Variants in ZMYM6 observed in about 807,000 individuals in gnomAD.
The protein encoded by ZMYM6 is zinc finger MYM-type protein 6.
Under a neutral mutation model 134.0 loss-of-function variants are expected in ZMYM6, and 90 were observed. The ratio of observed to expected loss-of-function variants is 0.67; its 90% CI spans 0.57 to 0.80. The LOEUF (loss-of-function observed/expected upper bound fraction) is 0.80. Among genes scored for constraint, ZMYM6 ranks in the 30% least tolerant of loss-of-function variants. The probability of loss-of-function intolerance (pLI) is 0.00; values close to 1 mark genes in which losing one functional copy is unlikely to be tolerated. For missense variants in ZMYM6, 1,362 were observed against 1,533.9 expected, an observed-to-expected ratio of 0.89 and a Z score of 1.87; for synonymous variants, 481 against 524.1, an observed-to-expected ratio of 0.92 and a Z score of 1.12.
At chr1:34,997,772 C>T (rs7515263) in intron 14 of ZMYM6, among the ~76,000 whole-genome samples, 32,807 of 152,056 alleles carry the variant, frequency 0.22, 8,419 homozygotes, top group African/African-American at 0.61. Flanking sequence ...ACCTCTACAC[C>T]GTTAAAATTT....
intron 14 of ZMYM6, among the ~76,000 whole-genome samples, chr1:34,995,426 A>C (rs1342613783): frequency 6.6e-6 from 1 of 151,972 alleles, no homozygotes; most frequent in East Asian, 1.9e-4. Flanking sequence ...TTTTCTATAC[A>C]TATATACCTA....
intron 2 of ZMYM6, among the ~76,000 whole-genome samples, chr1:35,026,765 G>A (rs1462957372): frequency 6.6e-6 from 1 of 152,138 alleles, no homozygotes; most frequent in East Asian, 1.9e-4. Flanking sequence ...ATTCCTTCAG[G>A]TTCAGCTTCC....
chr1:35,016,297 A>G (rs550012217), intron 4 of ZMYM6, among the ~76,000 whole-genome samples: 2 of 152,312 alleles, frequency 1.3e-5, no homozygotes, highest in South Asian at 4.1e-4. Context: ...ATTTTGAGAA[A>G]CAAATGAGCT....
intron 2 of ZMYM6, among the ~76,000 whole-genome samples, chr1:35,021,289 C>T (rs985834435): frequency 4.6e-5 from 7 of 151,204 alleles, no homozygotes; most frequent in East Asian, 4.0e-4. Flanking sequence ...TACAGGCTTG[C>T]GCTACCACAC....
chr1:35,030,427 T>C (rs1388357914), intron 2 of ZMYM6, 120 bp downstream of exon 2: 12 of 876,460 alleles, frequency 1.4e-5, no homozygotes, highest in Non-Finnish European at 1.9e-5. Context: ...AGCGAGAGCC[T>C]GTCTCAGTTT....
intron 15 of ZMYM6, chr1:34,990,073 CTCAGTG>C (rs1557555508): frequency 6.5e-6 from 1 of 153,584 alleles, no homozygotes; most frequent in African/African-American, 2.4e-5. Flanking sequence ...AATTTTGATA[CTCAGTG>C]TCAGTGAGGT....
intron 12 of ZMYM6, among the ~76,000 whole-genome samples, chr1:35,006,643 T>C (rs1433988064): frequency 6.6e-6 from 1 of 152,216 alleles, no homozygotes; most frequent in South Asian, 2.1e-4. Context: ...CTAAATAGTA[T>C]ATATCCCTAG....
Position 34,986,978 on chromosome 1 carries a change from G to T in ZMYM6, c.*126C>A. On this transcript the variant is annotated 3_prime_UTR_variant, in exon 16 of 16. Transcript: ENST00000357182. Reference sequence around the variant, plus strand: ...TAATTATTAAATTCCTCAACAAAAAGGGAAAAATTATTAAAACATTTAATC... The same window carrying T: ...TAATTATTAAATTCCTCAACAAAAATGGAAAAATTATTAAAACATTTAATC... The T allele has an allele frequency of 1.6e-6, 1 of 615,736 alleles. No individual in the cohort carries two copies. 38.1% of individuals were successfully genotyped at this position (615,736 alleles called of 1,614,324 possible). A position where few individuals can be genotyped will look rare whatever the true frequency, so the allele number is the denominator to read the frequency against.
rs1641284583 is a variant in ZMYM6 at position 35,020,422 on chromosome 1, T to G, written c.139A>C (p.Lys47Gln). Residue 47 changes from lysine (K) to glutamine (Q), a missense_variant, in exon 3 of 16, where the codon AAA (lysine) becomes CAA (glutamine). Around this residue, in one of 3 missense-constraint regions of ZMYM6, gnomAD observed 503 missense variants for 520.8 expected, o/e 0.97. Coordinates refer to ENST00000357182, the MANE Select transcript of ZMYM6 (RefSeq NM_007167.4). ...QQPKTQESKL[K>Q]IGGVSSVNER... ...TTAACTGAAGACACACCACCAATTTTCAATTTACTTTCTTGAGTTTTTGGC... is the reference window on the plus strand; with the variant it reads ...TTAACTGAAGACACACCACCAATTTGCAATTTACTTTCTTGAGTTTTTGGC... The G allele has an allele frequency of 6.2e-7, 1 of 1,612,812 alleles. No homozygotes were observed. Among genetic ancestry groups the G allele is most frequent in the Non-Finnish European group, 8.5e-7 (1 of 1,179,674 alleles).
At position 34,991,491 on chromosome 1, in the gene ZMYM6, CA is replaced by C. The variant is rs571178340; in HGVS notation, c.2146+742del. Among the ~76,000 whole-genome samples, 462 of 152,008 alleles carry C rather than the reference CA, an allele frequency of 3.0e-3. 6 individuals are homozygous for C. Among genetic ancestry groups the C allele is most frequent in the Middle Eastern group, 3.4e-3 (1 of 294 alleles). ...TTATTATTAAAAACAAAAATCAGGC[CA>C]GGGGCGGTGGCTCATGCCTGTAATC... On this transcript the variant is annotated intron_variant, in intron 15 of 15. Transcript: ENST00000357182.
intron 12 of ZMYM6, among the ~76,000 whole-genome samples, chr1:35,005,611 C>T (rs1017947782): frequency 1.4e-4 from 14 of 103,512 alleles, no homozygotes; most frequent in African/African-American, 5.2e-4. Flanking sequence ...ACCTGGGCAA[C>T]ATAGCAAAAC....
chr1:35,027,200 G>A (rs947299747), intron 2 of ZMYM6, among the ~76,000 whole-genome samples: 1 of 152,166 alleles, frequency 6.6e-6, no homozygotes, highest in Admixed American at 6.5e-5. Context: ...CAAATAGCTG[G>A]CAGCAGCATA....
intron 12 of ZMYM6, among the ~76,000 whole-genome samples, chr1:35,006,095 T>C (rs755380958): frequency 2.0e-5 from 3 of 151,890 alleles, no homozygotes; most frequent in Non-Finnish European, 2.9e-5. Flanking sequence ...GTAACCTCCA[T>C]CTCTTGGGTT....
chr1:35,019,565 T>A lies in ZMYM6; in HGVS notation c.216A>T (p.Ala72=), dbSNP rs765146633. The A allele has an allele frequency of 6.2e-7, 1 of 1,603,850 alleles. No homozygotes were observed. The highest frequency in any genetic ancestry group is 8.5e-7 in the Non-Finnish European group (1 of 1,177,590). The change falls in exon 4 of 16, where the codon GCA becomes GCT. Residue 72 remains alanine (A), a synonymous_variant. Transcript: ENST00000357182. ...GAAGCAACACACTTGGGCCAGATGATGCAAAAGAAAGCTGAAAGCCTGGGT... is the reference window on the plus strand; with the variant it reads ...GAAGCAACACACTTGGGCCAGATGAAGCAAAAGAAAGCTGAAAGCCTGGGT... The part of the protein sequence containing the change: ...QLNPGFQLSF[A]SSGPSVLLPS...
At chr1:35,001,536 T>C (rs1164440072) in intron 14 of ZMYM6, among the ~76,000 whole-genome samples, 1 of 152,060 alleles carries the variant, frequency 6.6e-6, no homozygotes, top group Non-Finnish European at 1.5e-5. Flanking sequence ...ATTCTCAGAG[T>C]ACATAAATCT....
intron 10 of ZMYM6, 112 bp downstream of exon 10, chr1:35,010,335 A>T: frequency 7.2e-7 from 1 of 1,394,642 alleles, no homozygotes; most frequent in Non-Finnish European, 9.7e-7. Context: ...AAATACTTCT[A>T]ATTACACCTT....
chr1:35,009,876 C>T (rs1001695925), intron 10 of ZMYM6, among the ~76,000 whole-genome samples: 1 of 152,020 alleles, frequency 6.6e-6, no homozygotes, highest in African/African-American at 2.4e-5. Context: ...GCAGAGACTG[C>T]AATAAGCCAA....
At chr1:35,016,335 T>G (rs539616957) in intron 4 of ZMYM6, among the ~76,000 whole-genome samples, 132 of 152,254 alleles carry the variant, frequency 8.7e-4, no homozygotes, top group Non-Finnish European at 1.3e-3. Flanking sequence ...AAGCATGATA[T>G]ATGACAAAAG....
chr1:35,012,116 T>G, intron 7 of ZMYM6, 111 bp from the exon 8 acceptor site: 1 of 696,788 alleles, frequency 1.4e-6, no homozygotes. Flanking sequence ...ACCAAAAAAA[T>G]CAAGGAACTT....
Sources: allele counts gnomAD v4.1 joint callset (sites outside exome capture counted in the v4.1 genomes callset), GRCh38; gene constraint gnomAD v4.1.1; regional missense constraint gnomAD v4.1.1; transcripts MANE v1.5; gene names NCBI Gene and HGNC (gene_info 2026-07-23, HGNC 2026-07-21).